Variants in PLCB1 observed in about 807,000 individuals in gnomAD.
PLCB1 encodes phospholipase C beta 1.
PLCB1 carries 46 observed loss-of-function variants against 161.8 expected under a neutral mutation model. The ratio of observed to expected loss-of-function variants is 0.28; its 90% confidence interval spans 0.22 to 0.36. PLCB1 has a LOEUF of 0.36. PLCB1 is among the 10% of genes least tolerant of loss of function. The probability of loss-of-function intolerance (pLI) is 1.00; values close to 1 mark genes in which losing one functional copy is unlikely to be tolerated. For missense variants in PLCB1, 1,016 were observed against 1,472.5 expected, an observed-to-expected ratio of 0.69 and a Z score of 5.07; for synonymous variants, 517 against 503.7, an observed-to-expected ratio of 1.03 and a Z score of -0.35.
intron 3 of PLCB1, among the ~76,000 whole-genome samples, chr20:8,536,320 T>C (rs1985049458): frequency 6.6e-6 from 1 of 151,766 alleles, no homozygotes; most frequent in Non-Finnish European, 1.5e-5. Flanking sequence ...GCCGGATGAG[T>C]TTGTTGTGGT....
chr20:8,863,451 T>C (rs558928290), intron 31 of PLCB1, among the ~76,000 whole-genome samples: 7 of 152,204 alleles, frequency 4.6e-5, no homozygotes, highest in Non-Finnish European at 1.0e-4. Context: ...TTCTCACACT[T>C]TGGGATTCAT....
At chr20:8,869,447 G>C (rs1045280684) in intron 31 of PLCB1, among the ~76,000 whole-genome samples, 37 of 152,254 alleles carry the variant, frequency 2.4e-4, no homozygotes, top group Middle Eastern at 3.4e-3. Context: ...GGCTGACGTG[G>C]CCTGCTGAGT....
At chr20:8,764,726 C>T (rs1982223963) in intron 25 of PLCB1, among the ~76,000 whole-genome samples, 1 of 152,182 alleles carries the variant, frequency 6.6e-6, no homozygotes, top group Non-Finnish European at 1.5e-5. Flanking sequence ...AACTCACACT[C>T]CAGCACTTCC....
At chr20:8,862,489 C>A (rs1224720986) in intron 31 of PLCB1, among the ~76,000 whole-genome samples, 2 of 152,148 alleles carry the variant, frequency 1.3e-5, no homozygotes, top group African/African-American at 4.8e-5. Context: ...TATAATGTAA[C>A]AGGAATCTAA....
chr20:8,661,366 C>G (rs1219489568), intron 9 of PLCB1, among the ~76,000 whole-genome samples: 1 of 152,126 alleles, frequency 6.6e-6, no homozygotes, highest in Non-Finnish European at 1.5e-5. Context: ...AAAGCCTTAT[C>G]TAGCACGTGG....
chr20:8,628,356 C>A lies in PLCB1; in HGVS notation c.309C>A (p.Ile103=), dbSNP rs770498816. 4 of 1,614,028 alleles carry A rather than the reference C, an allele frequency of 2.5e-6. No individual in the cohort carries two copies. In the Admixed American group the frequency reaches 5.0e-5, roughly 20 times the overall value. The change falls in exon 4 of 32, where the codon ATC becomes ATA. Residue 103 remains isoleucine (I), a synonymous_variant. Transcript: ENST00000338037. ...GNIGRLEQRM[I]TVVYGPDLVN... ...TCGGGCGCCTGGAGCAGCGCATGAT[C>A]ACAGTGGTGTATGGGCCTGACCTCG...
At chr20:8,615,294 A>T (rs2123182657) in intron 3 of PLCB1, among the ~76,000 whole-genome samples, 1 of 152,320 alleles carries the variant, frequency 6.6e-6, no homozygotes. Context: ...GGTTTGGGAA[A>T]ATCAAATTTA....
chr20:8,828,403 C>T (rs1212404662), intron 31 of PLCB1, among the ~76,000 whole-genome samples: 1 of 152,182 alleles, frequency 6.6e-6, no homozygotes, highest in Non-Finnish European at 1.5e-5. Context: ...CAATTATCTT[C>T]CTTTTTTTTA....
At chr20:8,423,429 C>T (rs1039943659) in intron 3 of PLCB1, among the ~76,000 whole-genome samples, 3 of 152,136 alleles carry the variant, frequency 2.0e-5, no homozygotes, top group African/African-American at 7.2e-5. Flanking sequence ...GGTACGTAAA[C>T]AGCTTACTGG....
intron 3 of PLCB1, among the ~76,000 whole-genome samples, chr20:8,619,397 C>T (rs932962631): frequency 2.7e-5 from 4 of 147,550 alleles, no homozygotes; most frequent in African/African-American, 7.6e-5. Context: ...CCAGCCTGGG[C>T]GACAGAGCAA....
At chr20:8,614,211 A>G (rs1399347254) in intron 3 of PLCB1, among the ~76,000 whole-genome samples, 3 of 152,142 alleles carry the variant, frequency 2.0e-5, no homozygotes, top group African/African-American at 4.8e-5. Context: ...AAAATTGTCA[A>G]TAACCCATGT....
At chr20:8,551,803 C>G (rs1985785287) in intron 3 of PLCB1, among the ~76,000 whole-genome samples, 1 of 152,136 alleles carries the variant, frequency 6.6e-6, no homozygotes, top group Non-Finnish European at 1.5e-5. Context: ...CCCGTATTTT[C>G]TCTGATCACC....
chr20:8,329,392 A>T (rs1481408146), intron 2 of PLCB1, among the ~76,000 whole-genome samples: 2 of 150,316 alleles, frequency 1.3e-5, no homozygotes, highest in Admixed American at 1.3e-4. Context: ...GCCTCCAGTG[A>T]TCCACCTGCC....
chr20:8,158,623 G>A (rs2051587531), intron 2 of PLCB1, among the ~76,000 whole-genome samples: 1 of 152,128 alleles, frequency 6.6e-6, no homozygotes, highest in African/African-American at 2.4e-5. Context: ...AGTCTAATCC[G>A]AGATAAAGCA....
chr20:8,321,228 A>G (rs1328012291), intron 2 of PLCB1, among the ~76,000 whole-genome samples: 1 of 152,210 alleles, frequency 6.6e-6, no homozygotes, highest in Non-Finnish European at 1.5e-5. Context: ...TTTTGTTTGC[A>G]TAGGTTTATA....
At chr20:8,316,987 A>G (rs1984690545) in intron 2 of PLCB1, among the ~76,000 whole-genome samples, 1 of 146,510 alleles carries the variant, frequency 6.8e-6, no homozygotes, top group East Asian at 2.0e-4. Context: ...AGAAAGTAAA[A>G]CCCACCAAGA....
At chr20:8,404,770 T>C (rs1424838637) in intron 3 of PLCB1, among the ~76,000 whole-genome samples, 1 of 152,234 alleles carries the variant, frequency 6.6e-6, no homozygotes, top group Non-Finnish European at 1.5e-5. Context: ...TTGCAAGATA[T>C]AATCAGTATT....
chr20:8,569,868 A>G (rs1308364094), intron 3 of PLCB1, among the ~76,000 whole-genome samples: 2 of 152,300 alleles, frequency 1.3e-5, no homozygotes, highest in African/African-American at 4.8e-5. Context: ...ACCAGTGTCA[A>G]TTACAATGTT....
intron 20 of PLCB1, among the ~76,000 whole-genome samples, chr20:8,737,760 T>A (rs188099395): frequency 4.3e-4 from 66 of 152,350 alleles, no homozygotes; most frequent in Non-Finnish European, 7.8e-4. Flanking sequence ...AGTAGACTTT[T>A]TAGCCTACTC....
Sources: allele counts gnomAD v4.1 joint callset (sites outside exome capture counted in the v4.1 genomes callset), GRCh38; gene constraint gnomAD v4.1.1; transcripts MANE v1.5; gene names NCBI Gene and HGNC (gene_info 2026-07-23, HGNC 2026-07-21).